MRPL1: variants seen among roughly 807,000 people sequenced by gnomAD.
MRPL1 encodes large ribosomal subunit protein uL1m.
A neutral mutation model predicts 38.0 loss-of-function variants in MRPL1; 28 were observed. The observed-to-expected ratio is 0.74, with a 90% CI of 0.55 to 1.01. The LOEUF (loss-of-function observed/expected upper bound fraction) is 1.01, where lower values mean the gene tolerates loss of function less well. MRPL1 is among the 50% of genes least tolerant of loss of function. The pLI, the probability that MRPL1 is intolerant of heterozygous loss-of-function variation, is 0.00. For missense variants in MRPL1, 358 were observed against 389.8 expected, an observed-to-expected ratio of 0.92 and a Z score of 0.69; for synonymous variants, 123 against 126.7, an observed-to-expected ratio of 0.97 and a Z score of 0.20.
intron 5 of MRPL1, 51 bp from the exon 6 acceptor site, chr4:77,894,088 G>A (rs764231133): frequency 3.0e-5 from 31 of 1,026,092 alleles, no homozygotes; most frequent in African/African-American, 8.2e-5. Flanking sequence ...TTTTCAGAAC[G>A]ATAAAGCTTT....
intron 1 of MRPL1, among the ~76,000 whole-genome samples, chr4:77,863,187 A>G (rs1735043390): frequency 6.6e-6 from 1 of 151,996 alleles, no homozygotes; most frequent in South Asian, 2.1e-4. Context: ...CGGGTAGTGG[A>G]GTGTGATAAG....
Position 77,952,682 on chromosome 4 carries a change from C to T in MRPL1, c.*75C>T, listed in dbSNP as rs1737438096. 4.6e-6 allele frequency: 4 copies of T among 871,812 alleles called. No individual in the cohort carries two copies. Among genetic ancestry groups the T allele is most frequent in the Middle Eastern group, 2.9e-4 (1 of 3,414 alleles). 54.0% of individuals were successfully genotyped at this position (871,812 alleles called of 1,614,324 possible). A position where few individuals can be genotyped will look rare whatever the true frequency, so the allele number is the denominator to read the frequency against. On this transcript the variant is annotated 3_prime_UTR_variant, in exon 9 of 9. Coordinates refer to ENST00000315567, the MANE Select transcript of MRPL1 (RefSeq NM_020236.4). ...AAATGATAATACAGCATAATTTTTA[C>T]ATTTGATGTCTTGTTATTGATCATA...
At position 77,917,962 on chromosome 4, in the gene MRPL1, G is replaced by A. The variant is rs1414419526; in HGVS notation, c.777+8590G>A. 2.0e-5 allele frequency among the ~76,000 whole-genome samples: 3 copies of A among 151,876 alleles called. No individual in the cohort carries two copies. In the East Asian group the frequency reaches 5.8e-4, roughly 29 times the overall value. ...CCCAGCTACCTGGGAGGCTGAGGCA[G>A]GTGAACTGCTTTAACCTGGGAGGCG... is the stretch of plus-strand genomic sequence containing the variant. On this transcript the variant is annotated intron_variant, in intron 7 of 8. Coordinates refer to ENST00000315567, the MANE Select transcript of MRPL1 (RefSeq NM_020236.4).
intron 2 of MRPL1, among the ~76,000 whole-genome samples, chr4:77,881,863 T>C (rs1374040811): frequency 6.6e-6 from 1 of 152,184 alleles, no homozygotes; most frequent in Non-Finnish European, 1.5e-5. Context: ...CTTAATTGTT[T>C]TCAATCCTAC....
chr4:77,951,913 G>A (rs945715940), intron 8 of MRPL1, among the ~76,000 whole-genome samples: 1 of 152,128 alleles, frequency 6.6e-6, no homozygotes, highest in African/African-American at 2.4e-5. Flanking sequence ...CCACAACCCT[G>A]GACTGGAATA....
intron 6 of MRPL1, among the ~76,000 whole-genome samples, chr4:77,902,922 C>T (rs1050011672): frequency 2.6e-5 from 4 of 152,090 alleles, no homozygotes; most frequent in East Asian, 1.9e-4. Flanking sequence ...TTCTATCCAA[C>T]GTTTTAAGGA....
intron 7 of MRPL1, among the ~76,000 whole-genome samples, chr4:77,947,026 A>AAAAAG (rs1553908982): frequency 1.3e-5 from 2 of 149,360 alleles, no homozygotes; most frequent in African/African-American, 2.5e-5. Flanking sequence ...AAAAAAAAAA[A>AAAAAG]GTTAAGAACC....
At position 77,885,394 on chromosome 4, in the gene MRPL1, G is replaced by A. The variant is rs374970601; in HGVS notation, c.486+55G>A. 310 of 1,359,796 alleles carry A rather than the reference G, an allele frequency of 2.3e-4. No individual in the cohort carries two copies. In the African/African-American group the frequency reaches 3.6e-3, roughly 16 times the overall value. The allele number at this position is 1,359,796 out of a possible 1,614,324, so 84.2% of individuals were successfully genotyped here. Reference sequence around the variant, plus strand: ...ATTTAATTTTTTTTTTTGAGACGGAGTCTCACTCTGTCACCAGTCTGGAGT... The same window carrying A: ...ATTTAATTTTTTTTTTTGAGACGGAATCTCACTCTGTCACCAGTCTGGAGT... On this transcript the variant is annotated intron_variant, in intron 4 of 8. Coordinates refer to ENST00000315567, the MANE Select transcript of MRPL1 (RefSeq NM_020236.4).
intron 1 of MRPL1, among the ~76,000 whole-genome samples, chr4:77,867,066 G>A (rs1168282855): frequency 1.3e-5 from 2 of 151,936 alleles, no homozygotes; most frequent in Non-Finnish European, 2.9e-5. Context: ...CCCTTTTAAT[G>A]AGGCTTGTCT....
At chr4:77,923,392 G>C (rs971966935) in intron 7 of MRPL1, among the ~76,000 whole-genome samples, 1 of 151,960 alleles carries the variant, frequency 6.6e-6, no homozygotes, top group Non-Finnish European at 1.5e-5. Context: ...CACTGTGCCC[G>C]ACCCTGGTTT....
In MRPL1 at chr4:77,862,844, C is replaced by T. The variant is rs1200844403; in HGVS notation, c.-5C>T. On this transcript the variant is annotated 5_prime_UTR_variant, in exon 1 of 9. Coordinates refer to ENST00000315567, the MANE Select transcript of MRPL1 (RefSeq NM_020236.4). ...ATTTCGTGAACGCAATCCGGAGTGCCCAACATGGCGGCGGCCGTAAGGTGC... is the reference window on the plus strand; with the variant it reads ...ATTTCGTGAACGCAATCCGGAGTGCTCAACATGGCGGCGGCCGTAAGGTGC... 6.2e-7 allele frequency: 1 copy of T among 1,614,066 alleles called. No homozygotes were observed. Among genetic ancestry groups the T allele is most frequent in the East Asian group, 2.2e-5 (1 of 44,866 alleles).
chr4:77,894,872 A>C (rs1425695361), intron 6 of MRPL1, among the ~76,000 whole-genome samples: 1 of 152,146 alleles, frequency 6.6e-6, no homozygotes, highest in Non-Finnish European at 1.5e-5. Flanking sequence ...AAAGGAGGTA[A>C]CATTAGTTGG....
intron 7 of MRPL1, among the ~76,000 whole-genome samples, chr4:77,926,847 G>A (rs1285843068): frequency 6.6e-6 from 1 of 152,006 alleles, no homozygotes; most frequent in African/African-American, 2.4e-5. Flanking sequence ...GGCCTCAAGT[G>A]ATCCACCTGC....
chr4:77,939,163 G>A (rs954353688), intron 7 of MRPL1, among the ~76,000 whole-genome samples: 3 of 152,108 alleles, frequency 2.0e-5, no homozygotes, highest in East Asian at 1.9e-4. Context: ...GAGAACATAC[G>A]ATGTTTGGTT....
intron 7 of MRPL1, among the ~76,000 whole-genome samples, chr4:77,913,343 A>G (rs1175304817): frequency 1.3e-5 from 2 of 152,202 alleles, no homozygotes; most frequent in African/African-American, 2.4e-5. Flanking sequence ...AAAAATCAGA[A>G]AACATGAACA....
intron 2 of MRPL1, among the ~76,000 whole-genome samples, chr4:77,874,634 C>A (rs908612776): frequency 3.9e-5 from 6 of 152,084 alleles, no homozygotes; most frequent in Non-Finnish European, 8.8e-5. Context: ...TATTACAATG[C>A]CAATTTTCCC....
intron 7 of MRPL1, among the ~76,000 whole-genome samples, chr4:77,916,384 T>C (rs1484758168): frequency 6.6e-6 from 1 of 152,082 alleles, no homozygotes; most frequent in Non-Finnish European, 1.5e-5. Context: ...TTAAAAAACT[T>C]TTAATTAATA....
chr4:77,862,949 G>C lies in MRPL1; in HGVS notation c.31+70G>C, dbSNP rs917365590. 4 of 1,581,476 alleles carry C rather than the reference G, an allele frequency of 2.5e-6. No homozygotes were observed. The East Asian group carries it at 9.0e-5, about 35-fold the overall frequency. ...AGTCTCTGGTTGCAGCAGAGTGCAA[G>C]GCGGATTCTGCTCTGGGTGCTGAAA... On this transcript the variant is annotated intron_variant, in intron 1 of 8. Coordinates refer to ENST00000315567, the MANE Select transcript of MRPL1 (RefSeq NM_020236.4).
intron 7 of MRPL1, among the ~76,000 whole-genome samples, chr4:77,942,111 A>C (rs536651455): frequency 1.3e-5 from 2 of 152,018 alleles, no homozygotes; most frequent in African/African-American, 4.8e-5. Context: ...TTTAATTTCC[A>C]TCTTGATTTT....
Sources: gnomAD v4.1 joint callset for allele counts (sites outside exome capture counted in the v4.1 genomes callset) on GRCh38, gnomAD v4.1.1 for gene constraint, MANE v1.5 for transcripts, NCBI Gene and HGNC (gene_info 2026-07-23, HGNC 2026-07-21) for gene names.